The following ADGRD1 variants were observed in gnomAD, a reference collection of about 807,000 sequenced individuals.
The protein encoded by ADGRD1 is G-protein coupled receptor 133.
In ADGRD1, 77 loss-of-function variants were observed where a neutral mutation model predicts 113.4. The ratio of observed to expected loss-of-function variants is 0.68; its 90% CI spans 0.57 to 0.82. The LOEUF is 0.82. Among genes scored for constraint, ADGRD1 ranks in the 40% least tolerant of loss-of-function variants. The pLI, the probability that ADGRD1 is intolerant of heterozygous loss-of-function variation, is 0.00. For missense variants in ADGRD1, 1,036 were observed against 1,139.1 expected (o/e 0.91, Z 1.30); for synonymous variants, 474 against 475.0 (o/e 1.00, Z 0.03).
At chr12:131,083,006 T>C (rs747670001) in intron 14 of ADGRD1, among the ~76,000 whole-genome samples, 1 of 152,264 alleles carries the variant, frequency 6.6e-6, no homozygotes, top group African/African-American at 2.4e-5. Context: ...AGGGTTACCG[T>C]TGCCCGAGGC....
intron 13 of ADGRD1, among the ~76,000 whole-genome samples, chr12:131,065,734 G>A (rs778970100): frequency 1.4e-4 from 21 of 152,276 alleles, no homozygotes; most frequent in Admixed American, 4.6e-4. Context: ...TTAGTTGTGC[G>A]CATGAAGGAG....
At position 131,084,055 on chromosome 12, in the gene ADGRD1, G is replaced by A. The variant is rs777476052; in HGVS notation, c.1548-485G>A. Among the ~76,000 whole-genome samples, 2 of 152,168 alleles carry A rather than the reference G, an allele frequency of 1.3e-5. No individual in the cohort carries two copies. Among genetic ancestry groups the A allele is most frequent in the African/African-American group, 2.4e-5 (1 of 41,422 alleles). ...TTGGTCAAGGATGTTCTTTTTAACC[G>A]ATGCGAGGTCTTTTATCATATTTCT... On this transcript the variant is annotated intron_variant, in intron 14 of 24. Coordinates refer to ENST00000261654, the MANE Select transcript of ADGRD1 (RefSeq NM_198827.5). The surrounding 1 kb of genome is among the most constrained non-coding windows in gnomAD (Gnocchi z 4.5).
At chr12:131,040,933 T>C (rs1320182733) in intron 13 of ADGRD1, among the ~76,000 whole-genome samples, 1 of 152,232 alleles carries the variant, frequency 6.6e-6, no homozygotes, top group Non-Finnish European at 1.5e-5. Context: ...TGCTAGCTTC[T>C]TCCTGAAACC....
At chr12:131,104,750 AC>A in intron 15 of ADGRD1, 80 bp from the exon 16 acceptor site, 1 of 898,780 alleles carries the variant, frequency 1.1e-6, no homozygotes, top group Non-Finnish European at 1.7e-6. Flanking sequence ...CCAGCTGTGC[AC>A]CCACCTGGGC....
chr12:131,102,032 G>T (rs1017361500), intron 15 of ADGRD1, among the ~76,000 whole-genome samples: 4 of 152,068 alleles, frequency 2.6e-5, no homozygotes, highest in Admixed American at 2.6e-4. Context: ...TGAACAGGGG[G>T]GTTTATTTTA....
intron 20 of ADGRD1, among the ~76,000 whole-genome samples, chr12:131,129,639 G>C (rs1295956565): frequency 2.0e-5 from 3 of 152,238 alleles, no homozygotes; most frequent in Admixed American, 6.5e-5. Flanking sequence ...GGCAGGAGTT[G>C]CAGAATGGCA....
At chr12:131,018,573 AC>A (rs1276781145) in intron 13 of ADGRD1, among the ~76,000 whole-genome samples, 1 of 152,142 alleles carries the variant, frequency 6.6e-6, no homozygotes, top group African/African-American at 2.4e-5. Context: ...CGTATGTTAA[AC>A]AATCCCGCTC....
chr12:131,127,696 G>A (rs1335487187), intron 20 of ADGRD1, among the ~76,000 whole-genome samples: 1 of 146,700 alleles, frequency 6.8e-6, no homozygotes, highest in African/African-American at 2.5e-5. Flanking sequence ...TGATTGTGTT[G>A]GTTGTGATGG....
rs1324734414 is a variant in ADGRD1 at position 131,022,319 on chromosome 12, G to C, written c.1473+7979G>C. Among the ~76,000 whole-genome samples the C allele has an allele frequency of 6.6e-6, 1 of 152,176 alleles. No homozygotes were observed. The highest frequency in any genetic ancestry group is 1.5e-5 in the Non-Finnish European group (1 of 68,034). On this transcript the variant is annotated intron_variant, in intron 13 of 24. Transcript: ENST00000261654. This position sits in a 1 kb window ranked among gnomAD's most constrained non-coding sequence, Gnocchi z 4.6. ...AGAATAAATATCTTGGTGGTGGGGA[G>C]ATACCGTGAAACTACACAACCTTCC...
intron 13 of ADGRD1, among the ~76,000 whole-genome samples, chr12:131,056,709 T>C (rs1004740758): frequency 6.6e-6 from 1 of 152,196 alleles, no homozygotes; most frequent in Non-Finnish European, 1.5e-5. Context: ...AGCCAGCACC[T>C]TTGATGTGGG....
chr12:131,016,309 G>A (rs892685201), intron 13 of ADGRD1, among the ~76,000 whole-genome samples: 4 of 152,214 alleles, frequency 2.6e-5, no homozygotes, highest in African/African-American at 7.2e-5. Context: ...CCCCCTGCCC[G>A]CAGTGGCCTT....
At chr12:131,100,736 G>T (rs951003548) in intron 15 of ADGRD1, among the ~76,000 whole-genome samples, 1 of 152,178 alleles carries the variant, frequency 6.6e-6, no homozygotes, top group African/African-American at 2.4e-5. Context: ...CAGTAGAATG[G>T]GTGGCCAAGA....
intron 21 of ADGRD1, among the ~76,000 whole-genome samples, chr12:131,133,696 G>A (rs1313494974): frequency 1.3e-5 from 2 of 152,296 alleles, no homozygotes; most frequent in Non-Finnish European, 2.9e-5. Context: ...TCCTTTGGGC[G>A]GCCAGGTCTG....
chr12:131,066,050 A>G (rs1884694780), intron 13 of ADGRD1, among the ~76,000 whole-genome samples: 1 of 152,050 alleles, frequency 6.6e-6, no homozygotes, highest in African/African-American at 2.4e-5. Flanking sequence ...TAAACCTTAG[A>G]GCCCCAGGGC....
chr12:131,070,334 T>A (rs1191153049), intron 13 of ADGRD1: 1 of 153,872 alleles, frequency 6.5e-6, no homozygotes, highest in East Asian at 1.9e-4. Flanking sequence ...GGCGGGGGTC[T>A]CCAGGCAGCT....
intron 15 of ADGRD1, among the ~76,000 whole-genome samples, chr12:131,087,384 G>A (rs1438168388): frequency 6.6e-6 from 1 of 152,156 alleles, no homozygotes; most frequent in Non-Finnish European, 1.5e-5. Flanking sequence ...AGCCCTTGGC[G>A]CTGCGTGAGA....
chr12:130,987,428 C>A, intron 6 of ADGRD1, 79 bp downstream of exon 6: 1 of 1,535,384 alleles, frequency 6.5e-7, no homozygotes, highest in Non-Finnish European at 8.9e-7. Flanking sequence ...TTTCTCCCCA[C>A]TCTCCCGTTG....
chr12:131,034,615 T>G (rs550130583), intron 13 of ADGRD1, among the ~76,000 whole-genome samples: 1 of 152,210 alleles, frequency 6.6e-6, no homozygotes, highest in Non-Finnish European at 1.5e-5. Context: ...GAGGCTGTCA[T>G]GTTTATTGCT....
intron 11 of ADGRD1, among the ~76,000 whole-genome samples, chr12:131,004,761 G>T (rs1876875162): frequency 6.6e-6 from 1 of 152,166 alleles, no homozygotes; most frequent in Admixed American, 6.5e-5. Context: ...GGAACCTGGG[G>T]TTCCACTCCT....
Sources: gnomAD v4.1 joint callset for allele counts (sites outside exome capture counted in the v4.1 genomes callset) on GRCh38, gnomAD v4.1.1 for gene constraint, Gnocchi (gnomAD v3.1) non-coding constraint, MANE v1.5 for transcripts, NCBI Gene and HGNC (gene_info 2026-07-23, HGNC 2026-07-21) for gene names.